ITIH5: variants seen among roughly 807,000 people sequenced by gnomAD.
The protein encoded by ITIH5 is inter-alpha-trypsin inhibitor heavy chain H5.
In ITIH5, 65 loss-of-function variants were observed where a neutral mutation model predicts 77.5. The observed-to-expected ratio is 0.84, with a 90% confidence interval of 0.69 to 1.03. The LOEUF (loss-of-function observed/expected upper bound fraction) is 1.03, where lower values mean the gene tolerates loss of function less well. Ranked by LOEUF, ITIH5 falls within the 50% of genes least tolerant of loss-of-function variation. The pLI is 0.00. For synonymous variants in ITIH5, 525 were observed against 494.3 expected (o/e 1.06, Z -0.82); for missense variants, 1,208 against 1,213.1 (o/e 1.00, Z 0.06).
At chr10:7,577,773 G>C (rs1419927069) in intron 9 of ITIH5, among the ~76,000 whole-genome samples, 1 of 152,132 alleles carries the variant, frequency 6.6e-6, no homozygotes, top group Non-Finnish European at 1.5e-5. Flanking sequence ...GTGTGTCTTG[G>C]GACATGTGAC....
chr10:7,598,877 T>G (rs1031938470), intron 7 of ITIH5, among the ~76,000 whole-genome samples: 1 of 152,214 alleles, frequency 6.6e-6, no homozygotes, highest in Non-Finnish European at 1.5e-5. Flanking sequence ...TATTAAAACA[T>G]TTTTTGCAAT....
chr10:7,658,887 G>C (rs1357292290), intron 1 of ITIH5, among the ~76,000 whole-genome samples: 1 of 152,014 alleles, frequency 6.6e-6, no homozygotes, highest in African/African-American at 2.4e-5. Context: ...CATGCTGGAG[G>C]GGTACAAGGA....
chr10:7,657,987 C>T (rs1834215024), intron 1 of ITIH5, among the ~76,000 whole-genome samples: 1 of 152,182 alleles, frequency 6.6e-6, no homozygotes, highest in African/African-American at 2.4e-5. Flanking sequence ...TTGTTTAAGA[C>T]ATTGAGAATT....
chr10:7,642,145 G>C (rs1269084496), intron 2 of ITIH5, 55 bp from the exon 3 acceptor site: 3 of 1,387,174 alleles, frequency 2.2e-6, no homozygotes, highest in Non-Finnish European at 3.0e-6. Flanking sequence ...CATTTTGGTG[G>C]TAGTGGAACA....
intron 5 of ITIH5, among the ~76,000 whole-genome samples, chr10:7,628,622 ATG>A (rs1181052002): frequency 2.2e-4 from 34 of 152,088 alleles, no homozygotes; most frequent in African/African-American, 8.2e-4. Flanking sequence ...ATGTTATGGG[ATG>A]TGTCCATGTT....
At chr10:7,664,515 T>C (rs751301032) in intron 1 of ITIH5, among the ~76,000 whole-genome samples, 2 of 152,084 alleles carry the variant, frequency 1.3e-5, no homozygotes, top group Non-Finnish European at 2.9e-5. Flanking sequence ...GGAAGCTGAA[T>C]GTTTAATGAA....
At chr10:7,580,741 G>C (rs1362129389) in intron 8 of ITIH5, among the ~76,000 whole-genome samples, 1 of 152,202 alleles carries the variant, frequency 6.6e-6, no homozygotes. Flanking sequence ...CGAAGAGGAG[G>C]AGGGTAGCTG....
chr10:7,604,399 A>C (rs1833080885), intron 7 of ITIH5, among the ~76,000 whole-genome samples: 1 of 152,154 alleles, frequency 6.6e-6, no homozygotes, highest in Non-Finnish European at 1.5e-5. Context: ...GGGTCATGAA[A>C]GCCTCAGGCC....
Position 7,562,043 on chromosome 10 carries a change from A to G in ITIH5, c.*1040T>C, listed in dbSNP as rs1037523990. Reference sequence around the variant, plus strand: ...GAGCTGGTTTCCTGACTTTTTTTCTATCTGACATGAGGGAAGCTGGAAGTC... The same window carrying G: ...GAGCTGGTTTCCTGACTTTTTTTCTGTCTGACATGAGGGAAGCTGGAAGTC... On this transcript the variant is annotated 3_prime_UTR_variant, in exon 14 of 14. Coordinates refer to ENST00000397146, the MANE Select transcript of ITIH5 (RefSeq NM_030569.7). 5 of 151,898 alleles carry G rather than the reference A, an allele frequency of 3.3e-5. No homozygotes were observed. The highest frequency in any genetic ancestry group is 1.3e-4 in the Admixed American group (2 of 15,264). The allele number at this position is 151,898 out of a possible 1,614,324, so 9.4% of individuals were successfully genotyped here. A position where few individuals can be genotyped will look rare whatever the true frequency, so the allele number is the denominator to read the frequency against.
chr10:7,650,821 C>T (rs563352390), intron 2 of ITIH5, among the ~76,000 whole-genome samples: 4 of 152,044 alleles, frequency 2.6e-5, no homozygotes, highest in Non-Finnish European at 4.4e-5. Flanking sequence ...TTTACCACCT[C>T]GGGGAAATCA....
chr10:7,605,222 C>T (rs1393490473), intron 7 of ITIH5, among the ~76,000 whole-genome samples: 1 of 151,650 alleles, frequency 6.6e-6, no homozygotes, highest in Non-Finnish European at 1.5e-5. Context: ...CCACGCTTTG[C>T]ACATGTCACG....
In ITIH5 at chr10:7,644,770, C is replaced by A. The variant is rs900086900; in HGVS notation, c.136-2680G>T. 2.9e-5 allele frequency among the ~76,000 whole-genome samples: 4 copies of A among 136,096 alleles called. 1 individual carries two copies. Among genetic ancestry groups the A allele is most frequent in the Non-Finnish European group, 6.1e-5 (4 of 65,542 alleles). The allele number at this position is 136,096 out of a possible 152,430, so 89.3% of individuals were successfully genotyped here. ...TATATCACATATATCACATATATAT[C>A]ATATATATCACATATATATCATATA... is the stretch of plus-strand genomic sequence containing the variant. On this transcript the variant is annotated intron_variant, in intron 2 of 13. Coordinates refer to ENST00000397146, the MANE Select transcript of ITIH5 (RefSeq NM_030569.7).
intron 13 of ITIH5, among the ~76,000 whole-genome samples, chr10:7,565,089 C>T (rs62651613): frequency 1.7e-4 from 14 of 82,824 alleles, no homozygotes; most frequent in Admixed American, 8.0e-4. Context: ...TATATACACA[C>T]ACACACACAC....
chr10:7,655,535 T>C (rs1834166849), intron 2 of ITIH5, 96 bp downstream of exon 2: 1 of 955,094 alleles, frequency 1.0e-6, no homozygotes, highest in Admixed American at 2.0e-5. Flanking sequence ...CAACTTTATA[T>C]GTTTTGGAGG....
chr10:7,624,422 A>T (rs1488990543), intron 5 of ITIH5, among the ~76,000 whole-genome samples: 1 of 151,900 alleles, frequency 6.6e-6, no homozygotes, highest in East Asian at 1.9e-4. Context: ...CAGGAGAATC[A>T]CTTGGACCCG....
chr10:7,583,329 T>C (rs2130971160), intron 8 of ITIH5, among the ~76,000 whole-genome samples: 1 of 152,278 alleles, frequency 6.6e-6, no homozygotes, highest in South Asian at 2.1e-4. Flanking sequence ...CTAATTTGCC[T>C]TTCTTTTGTT....
chr10:7,646,774 CAT>C (rs1834015443), intron 2 of ITIH5, among the ~76,000 whole-genome samples: 1 of 152,096 alleles, frequency 6.6e-6, no homozygotes, highest in African/African-American at 2.4e-5. Flanking sequence ...GGCCACTACA[CAT>C]GAGTCAGCTG....
chr10:7,609,395 T>G (rs1312291445), intron 7 of ITIH5: 1 of 454,518 alleles, frequency 2.2e-6, no homozygotes, highest in East Asian at 6.9e-5. Context: ...GTTCCCCAAG[T>G]CCATGGAGCT....
chr10:7,644,789 T>TCA (rs1564278134), intron 2 of ITIH5, among the ~76,000 whole-genome samples: 45 of 126,242 alleles, frequency 3.6e-4, no homozygotes, highest in Non-Finnish European at 4.3e-4. Context: ...CACATATATA[T>TCA]CATATATATC....
Sources: gnomAD v4.1 joint callset for allele counts (sites outside exome capture counted in the v4.1 genomes callset) on GRCh38, gnomAD v4.1.1 for gene constraint, MANE v1.5 for transcripts, NCBI Gene and HGNC (gene_info 2026-07-23, HGNC 2026-07-21) for gene names.